The following SYCE1 variants were observed in gnomAD, a reference collection of about 807,000 sequenced individuals.
SYCE1 encodes synaptonemal complex central element protein 1, also known as cancer/testis antigen 76.
In SYCE1, 37 loss-of-function variants were observed where a neutral mutation model predicts 55.1. The ratio of observed to expected loss-of-function variants is 0.67; its 90% confidence interval spans 0.52 to 0.88. SYCE1 has a LOEUF of 0.88. Ranked by LOEUF, SYCE1 falls within the 40% of genes least tolerant of loss-of-function variation. The pLI, the probability that SYCE1 is intolerant of heterozygous loss-of-function variation, is 0.00. For synonymous variants in SYCE1, 163 were observed against 159.4 expected (o/e 1.02, Z -0.17); for missense variants, 399 against 416.4 (o/e 0.96, Z 0.36).
intron 1 of SYCE1, among the ~76,000 whole-genome samples, chr10:133,563,799 A>C (rs1851867013): frequency 6.6e-6 from 1 of 152,160 alleles, no homozygotes; most frequent in African/African-American, 2.4e-5. Flanking sequence ...ACTGCTCATA[A>C]ATTTTTGCAT....
Position 133,556,051 on chromosome 10 carries a change from AG to A in SYCE1, c.529-5del, listed in dbSNP as rs201885366. The stretch of plus-strand genomic sequence containing the variant: ...CCTTTGCCAGCCGCTCTGGCATCTG[AG>A]GGGCAGAAAAGAGGCCTGTCCACTC... On this transcript the variant is annotated splice_region_variant and splice_polypyrimidine_tract_variant and intron_variant, in intron 8 of 12. Transcript: ENST00000343131. 2.4e-3 allele frequency: 3,810 copies of A among 1,612,698 alleles called. No individual in the cohort carries two copies. The African/African-American group carries it at 0.044, about 19-fold the overall frequency.
At chr10:133,567,523 G>A (rs1384641396), upstream of SYCE1, among the ~76,000 whole-genome samples, 1 of 151,988 alleles carries the variant, frequency 6.6e-6, no homozygotes, top group African/African-American at 2.4e-5. Context: ...TTCCTGGGCT[G>A]TGAGATCCAC....
upstream of SYCE1, chr10:133,568,234 T>C (rs1428064441): frequency 1.5e-6 from 2 of 1,373,230 alleles, no homozygotes; most frequent in East Asian, 5.0e-5. Context: ...GGGAACCCAG[T>C]CCTCCTCGTC....
rs1851633874 is a variant in SYCE1 at position 133,555,348 on chromosome 10, TACC to T, written c.918_918+2del. The T allele has an allele frequency of 2.5e-6, 4 of 1,613,792 alleles. No homozygotes were observed. The highest frequency in any genetic ancestry group is 1.7e-5 in the Admixed American group (1 of 60,000). Reference sequence around the variant, plus strand: ...TTCCCTGACGCCCACTTCTGGGGCTTACCACATCTCCTGGGCCAGCCTCTTCCT... The same window carrying T: ...TTCCCTGACGCCCACTTCTGGGGCTTACATCTCCTGGGCCAGCCTCTTCCT... On this transcript the variant is annotated splice_donor_variant and coding_sequence_variant, in exon 12 of 13. Transcript: ENST00000343131. LOFTEE classifies it high-confidence loss of function.
chr10:133,556,302 T>C, intron 8 of SYCE1: 1 of 577,952 alleles, frequency 1.7e-6, no homozygotes, highest in Admixed American at 3.1e-5. Context: ...CAGATAAACC[T>C]GCAAGCACTG....
At chr10:133,556,502 G>A in intron 8 of SYCE1, 4 of 562,968 alleles carry the variant, frequency 7.1e-6, no homozygotes, top group Non-Finnish European at 9.6e-6. Flanking sequence ...TGTCTCCTTT[G>A]TGCCCGTGAT....
In SYCE1 at chr10:133,559,292, T is replaced by A; in HGVS notation, c.196+9A>T. The A allele has an allele frequency of 6.2e-7, 1 of 1,614,128 alleles. No homozygotes were observed. The highest frequency in any genetic ancestry group is 1.1e-5 in the South Asian group (1 of 91,070). Reference sequence around the variant, plus strand: ...GGTCCTAGCTGGCAGCCAAGGCCCCTGAACTCACCTTGCTGGACCTCATTA... The same window carrying A: ...GGTCCTAGCTGGCAGCCAAGGCCCCAGAACTCACCTTGCTGGACCTCATTA... On this transcript the variant is annotated intron_variant, in intron 3 of 12. Transcript: ENST00000343131.
chr10:133,555,341 T>C lies in SYCE1; in HGVS notation c.918+10A>G, dbSNP rs758965771. 2.5e-6 allele frequency: 4 copies of C among 1,613,854 alleles called. No homozygotes were observed. The highest frequency in any genetic ancestry group is 3.4e-6 in the Non-Finnish European group (4 of 1,179,864). On this transcript the variant is annotated intron_variant, in intron 12 of 12. Transcript: ENST00000343131. ...GTTTCTGTTCCCTGACGCCCACTTC[T>C]GGGGCTTACCACATCTCCTGGGCCA... is the stretch of plus-strand genomic sequence containing the variant.
At position 133,558,238 on chromosome 10, in the gene SYCE1, G is replaced by A. The variant is rs747372056; in HGVS notation, c.272-24C>T. The stretch of plus-strand genomic sequence containing the variant: ...CACTAGAAAACAGTGACACATTTTG[G>A]CATCAGGGACTATGCACTGCACCCT... On this transcript the variant is annotated intron_variant, in intron 4 of 12. Coordinates refer to ENST00000343131, the MANE Select transcript of SYCE1 (RefSeq NM_001143764.3). 11 of 1,613,820 alleles carry A rather than the reference G, an allele frequency of 6.8e-6. No individual in the cohort carries two copies. The East Asian group carries it at 2.5e-4, about 36-fold the overall frequency.
chr10:133,556,046 ATC>A lies in SYCE1; in HGVS notation c.529-1_529del. The A allele has an allele frequency of 1.2e-6, 2 of 1,613,592 alleles. No homozygotes were observed. The highest frequency in any genetic ancestry group is 1.7e-6 in the Non-Finnish European group (2 of 1,180,010). On this transcript the variant is annotated splice_acceptor_variant and coding_sequence_variant, in exon 9 of 13. Transcript: ENST00000343131. LOFTEE classifies it high-confidence loss of function. Reference sequence around the variant, plus strand: ...AATCTCCTTTGCCAGCCGCTCTGGCATCTGAGGGGCAGAAAAGAGGCCTGTCC... The same window carrying A: ...AATCTCCTTTGCCAGCCGCTCTGGCATGAGGGGCAGAAAAGAGGCCTGTCC...
upstream of SYCE1, chr10:133,568,206 G>C (rs1419311729): frequency 8.7e-7 from 1 of 1,149,306 alleles, no homozygotes; most frequent in Admixed American, 2.0e-5. Context: ...TAGATGCCGA[G>C]CCGGTCCTGT....
chr10:133,561,980 G>A (rs1851824985), intron 1 of SYCE1, among the ~76,000 whole-genome samples: 1 of 152,082 alleles, frequency 6.6e-6, no homozygotes, highest in African/African-American at 2.4e-5. Flanking sequence ...GACTACTTAA[G>A]GGGATTTATT....
At chr10:133,567,798 C>T (rs1851983353), upstream of SYCE1, 1 of 353,128 alleles carries the variant, frequency 2.8e-6, no homozygotes, top group African/African-American at 2.1e-5. Flanking sequence ...GTACAGGAGC[C>T]ACAGGCCACT....
intron 7 of SYCE1, 54 bp downstream of exon 7, chr10:133,557,013 T>C: frequency 6.4e-7 from 1 of 1,563,460 alleles, no homozygotes; most frequent in African/African-American, 1.3e-5. Flanking sequence ...ATCTTTGACA[T>C]TATATCCCAA....
At chr10:133,558,483 G>A (rs1851743068) in intron 4 of SYCE1, 2 of 566,320 alleles carry the variant, frequency 3.5e-6, no homozygotes, top group South Asian at 2.2e-5. Context: ...CACCCACGAA[G>A]TGGGATAAGG....
intron 6 of SYCE1, 48 bp downstream of exon 6, chr10:133,557,816 C>T: frequency 6.2e-7 from 1 of 1,600,772 alleles, no homozygotes; most frequent in Non-Finnish European, 8.6e-7. Flanking sequence ...TTCTGCTCTA[C>T]CAGAATAAAG....
At chr10:133,554,343 G>A (rs903703723), downstream of SYCE1, 1 of 1,613,768 alleles carries the variant, frequency 6.2e-7, no homozygotes, top group Non-Finnish European at 8.5e-7. Flanking sequence ...CAAGAAAAGG[G>A]ATCGCTTTGT....
Position 133,558,171 on chromosome 10 carries a change from T to A in SYCE1, c.315A>T (p.Lys105Asn). 1 of 1,614,156 alleles carries A rather than the reference T, an allele frequency of 6.2e-7. No homozygotes were observed. Among genetic ancestry groups the A allele is most frequent in the Non-Finnish European group, 8.5e-7 (1 of 1,180,028 alleles). The change falls in exon 5 of 13, where the codon AAA becomes AAT. Residue 105 changes from lysine to asparagine, a missense_variant. By Grantham distance (94) the Lys-to-Asn change is moderately conservative (BLOSUM62 0). Transcript: ENST00000343131. Reference sequence around the variant, plus strand: ...AGACAGGGGAGCGGCAAATACCTTGTTTTTTGCTCAAGATCTCCTTCAGGT... The same window carrying A: ...AGACAGGGGAGCGGCAAATACCTTGATTTTTGCTCAAGATCTCCTTCAGGT... ...KVHLKEILSK[K>N]QETLRILRLH...
At chr10:133,568,276 CT>C, upstream of SYCE1, 1 of 1,419,630 alleles carries the variant, frequency 7.0e-7, no homozygotes, top group Non-Finnish European at 9.6e-7. Context: ...TCCCGCGGCC[CT>C]TCTCCAGCCT....
Sources: gnomAD v4.1 joint callset for allele counts (sites outside exome capture counted in the v4.1 genomes callset) on GRCh38, gnomAD v4.1.1 for gene constraint, MANE v1.5 for transcripts, NCBI Gene and HGNC (gene_info 2026-07-23, HGNC 2026-07-21) for gene names.